Variants in CHST11 observed in about 807,000 individuals in gnomAD.
CHST11 encodes carbohydrate sulfotransferase 11.
CHST11 carries 9 observed loss-of-function variants against 30.4 expected under a neutral mutation model. That is an observed-to-expected ratio of 0.30 (90% CI 0.18 to 0.52). The LOEUF is 0.52. Ranked by LOEUF, CHST11 falls within the 20% of genes least tolerant of loss-of-function variation. The pLI, the probability that CHST11 is intolerant of heterozygous loss-of-function variation, is 0.97. For synonymous variants in CHST11, 152 were observed against 187.8 expected (o/e 0.81, Z 1.56); for missense variants, 348 against 460.6 (o/e 0.76, Z 2.24).
chr12:104,750,394 C>G (rs1592874227), intron 2 of CHST11, among the ~76,000 whole-genome samples: 1 of 113,736 alleles, frequency 8.8e-6, no homozygotes, highest in East Asian at 2.5e-4. Flanking sequence ...TTGTTTTGAA[C>G]TTGTAGTTGT....
At chr12:104,646,455 C>T (rs997890403) in intron 2 of CHST11, among the ~76,000 whole-genome samples, 12 of 152,144 alleles carry the variant, frequency 7.9e-5, no homozygotes, top group Non-Finnish European at 1.6e-4. Context: ...TATTTCTGGC[C>T]GGGTGCAGTG....
At chr12:104,478,806 C>T (rs1375428922) in intron 1 of CHST11, among the ~76,000 whole-genome samples, 1 of 152,080 alleles carries the variant, frequency 6.6e-6, no homozygotes, top group Non-Finnish European at 1.5e-5. Flanking sequence ...CAGTGGCAGG[C>T]AATTTCAAGA....
chr12:104,612,655 G>A (rs2039070745), intron 2 of CHST11, among the ~76,000 whole-genome samples: 1 of 152,198 alleles, frequency 6.6e-6, no homozygotes, highest in Non-Finnish European at 1.5e-5. Context: ...TACGGCTTTT[G>A]AGATAAAAGT....
intron 1 of CHST11, chr12:104,552,485 T>C (rs1437950128): frequency 6.6e-6 from 1 of 152,202 alleles, no homozygotes; most frequent in Non-Finnish European, 1.5e-5. Flanking sequence ...TTTCATTTTT[T>C]TGTAGAGATG....
intron 1 of CHST11, among the ~76,000 whole-genome samples, chr12:104,476,051 G>A (rs2037557374): frequency 7.2e-6 from 1 of 139,116 alleles, no homozygotes; most frequent in South Asian, 2.2e-4. Context: ...TGTAATACTT[G>A]TAATATATAA....
At chr12:104,631,500 C>T (rs890930851) in intron 2 of CHST11, among the ~76,000 whole-genome samples, 16 of 152,144 alleles carry the variant, frequency 1.1e-4, no homozygotes, top group Non-Finnish European at 2.9e-5. Context: ...GCTGCTTCTC[C>T]CATGCCCAGA....
intron 1 of CHST11, among the ~76,000 whole-genome samples, chr12:104,470,779 G>A (rs1052623782): frequency 2.0e-5 from 3 of 152,164 alleles, no homozygotes; most frequent in Non-Finnish European, 4.4e-5. Context: ...CTGCCTAATC[G>A]GAAAGCTGGA....
At chr12:104,686,281 C>T (rs2039845647) in intron 2 of CHST11, among the ~76,000 whole-genome samples, 1 of 140,170 alleles carries the variant, frequency 7.1e-6, no homozygotes, top group South Asian at 2.4e-4. Flanking sequence ...GTTGACCTGA[C>T]TTTTCCTAGG....
At chr12:104,523,858 T>C (rs1037997473) in intron 1 of CHST11, among the ~76,000 whole-genome samples, 2 of 152,188 alleles carry the variant, frequency 1.3e-5, no homozygotes, top group African/African-American at 2.4e-5. Context: ...CTGCAGTGCC[T>C]AGGCACTTTG....
intron 2 of CHST11, among the ~76,000 whole-genome samples, chr12:104,730,575 G>A (rs2040248800): frequency 6.6e-6 from 1 of 152,190 alleles, no homozygotes; most frequent in Non-Finnish European, 1.5e-5. Flanking sequence ...GTGGCACAAA[G>A]TGTGGCGTGG....
Position 104,688,926 on chromosome 12 carries a change from G to A in CHST11, c.205-68023G>A, listed in dbSNP as rs551873910. Reference sequence around the variant, plus strand: ...GCTTGAGCCCAGGAGTTCGAGACCAGCCTGGGCAAGAAGGGGCAAGAAGGA... The same window carrying A: ...GCTTGAGCCCAGGAGTTCGAGACCAACCTGGGCAAGAAGGGGCAAGAAGGA... On this transcript the variant is annotated intron_variant, in intron 2 of 2. Transcript: ENST00000303694. 7.9e-5 allele frequency among the ~76,000 whole-genome samples: 12 copies of A among 152,292 alleles called. No individual in the cohort carries two copies. The East Asian group carries it at 2.3e-3, about 29-fold the overall frequency.
chr12:104,644,653 G>A (rs1260524410), intron 2 of CHST11, among the ~76,000 whole-genome samples: 4 of 152,102 alleles, frequency 2.6e-5, no homozygotes, highest in African/African-American at 9.7e-5. Flanking sequence ...GGAGTCTCTG[G>A]CTGAGTCCTG....
chr12:104,637,869 C>A (rs528199246), intron 2 of CHST11, among the ~76,000 whole-genome samples: 3 of 152,208 alleles, frequency 2.0e-5, no homozygotes, highest in African/African-American at 7.2e-5. Flanking sequence ...CGCACCCCCC[C>A]ACCCCAAATC....
rs75523335 is a variant in CHST11, at chr12:104,677,012, G to A, written c.204+75021G>A. ...GGCTAAGCAGACATTTCATTTCTTC[G>A]CCCTTCTCCAACCTTCTCCCGACCC... On this transcript the variant is annotated intron_variant, in intron 2 of 2. Coordinates refer to ENST00000303694, the MANE Select transcript of CHST11 (RefSeq NM_018413.6). Among the ~76,000 whole-genome samples, 557 of 152,082 alleles carry A rather than the reference G, an allele frequency of 3.7e-3. 8 individuals are homozygous for A. Among genetic ancestry groups the A allele is most frequent in the African/African-American group, 0.013 (535 of 41,462 alleles).
At chr12:104,585,488 G>C (rs1394290383) in intron 1 of CHST11, among the ~76,000 whole-genome samples, 1 of 152,198 alleles carries the variant, frequency 6.6e-6, no homozygotes, top group African/African-American at 2.4e-5. Context: ...ATGGCTTATT[G>C]AGCACTTACC....
chr12:104,677,751 C>G (rs1164736211), intron 2 of CHST11, among the ~76,000 whole-genome samples: 1 of 152,232 alleles, frequency 6.6e-6, no homozygotes, highest in Non-Finnish European at 1.5e-5. Flanking sequence ...ACCATGTTGC[C>G]AAGACGGGCG....
chr12:104,667,850 C>G (rs2039655507), intron 2 of CHST11, among the ~76,000 whole-genome samples: 1 of 152,178 alleles, frequency 6.6e-6, no homozygotes. Flanking sequence ...CTTTCAAACA[C>G]CTTAGACACC....
intron 2 of CHST11, among the ~76,000 whole-genome samples, chr12:104,670,381 G>A (rs566519246): frequency 6.6e-6 from 1 of 152,026 alleles, no homozygotes; most frequent in African/African-American, 2.4e-5. Context: ...ATTCCAGACC[G>A]TCCATGAACT....
At chr12:104,596,517 G>A (rs2038908222) in intron 1 of CHST11, among the ~76,000 whole-genome samples, 1 of 152,126 alleles carries the variant, frequency 6.6e-6, no homozygotes, top group African/African-American at 2.4e-5. Flanking sequence ...ACTGCCTTTC[G>A]AGACAGCACG....
Sources: allele counts gnomAD v4.1 joint callset (sites outside exome capture counted in the v4.1 genomes callset), GRCh38; gene constraint gnomAD v4.1.1; transcripts MANE v1.5; gene names NCBI Gene and HGNC (gene_info 2026-07-23, HGNC 2026-07-21).